The following SRA1 variants were observed in gnomAD, a reference collection of about 807,000 sequenced individuals.
SRA1 encodes lncRNA SRA.
SRA1 carries 25 observed loss-of-function variants against 24.3 expected under a neutral mutation model. The observed-to-expected ratio is 1.03, with a 90% CI of 0.75 to 1.43. The LOEUF is 1.43. SRA1 is among the 40% of genes most tolerant of loss of function. The pLI, the probability that SRA1 is intolerant of heterozygous loss-of-function variation, is 0.00. For synonymous variants in SRA1, 104 were observed against 109.5 expected, an observed-to-expected ratio of 0.95 and a Z score of 0.31; for missense variants, 303 against 286.6, an observed-to-expected ratio of 1.06 and a Z score of -0.41.
rs755919704 is a variant in SRA1, at chr5:140,552,149, T to C, written c.187A>G (p.Met63Val). The change falls in exon 3 of 5, where the codon ATG becomes GTG. Residue 63 changes from methionine (M) to valine (V), a missense_variant. Coordinates refer to ENST00000336283, the MANE Select transcript of SRA1 (RefSeq NM_001035235.4). ...ASETSPGPPP[M>V]GPPPPSSKAP... ...TTACTTGAAGGAGGTGGAGGCCCCA[T>C]TGGGGGAGGCCCAGGAGAAGTCTCT... The C allele has an allele frequency of 1.4e-5, 22 of 1,609,218 alleles. No individual in the cohort carries two copies. The highest frequency in any genetic ancestry group is 1.2e-4 in the South Asian group (11 of 90,344).
rs754090733 is a variant in SRA1, at chr5:140,551,142, G to A, written c.382C>T (p.Arg128Cys). The A allele has an allele frequency of 1.5e-5, 25 of 1,613,962 alleles. No individual in the cohort carries two copies. Among genetic ancestry groups the A allele is most frequent in the South Asian group, 3.3e-5 (3 of 91,066 alleles). The change falls in exon 4 of 5, where the codon CGC becomes TGC. Residue 128 changes from arginine to cysteine, a missense_variant. Coordinates refer to ENST00000336283, the MANE Select transcript of SRA1 (RefSeq NM_001035235.4). ...RKQVCDDISR[R>C]LALLQEQWAG... ...CACTGTTCCTGCAGCAGTGCCAGGC[G>A]TCGGCTGATGTCATCACATACCTGC...
intron 2 of SRA1, among the ~76,000 whole-genome samples, chr5:140,556,257 A>G (rs1180454972): frequency 6.6e-6 from 1 of 152,150 alleles, no homozygotes; most frequent in Non-Finnish European, 1.5e-5. Context: ...AGGGCCACTG[A>G]AAGAACCAAA....
chr5:140,556,414 C>T (rs1230610184), intron 2 of SRA1, among the ~76,000 whole-genome samples: 2 of 152,182 alleles, frequency 1.3e-5, no homozygotes, highest in Admixed American at 1.3e-4. Context: ...TCCTGCTTTA[C>T]AAAGCCCACT....
In SRA1 at chr5:140,550,659, G is replaced by A. The variant is rs763798828; in HGVS notation, c.*41C>T. The A allele has an allele frequency of 2.5e-6, 4 of 1,579,526 alleles. No homozygotes were observed. The African/African-American group carries it at 5.4e-5, about 21-fold the overall frequency. ...GAGCCAAGTGACAGAAGGTCTCCAA[G>A]GCATAGGAGATGGTGTCCGGTGAGT... On this transcript the variant is annotated 3_prime_UTR_variant, in exon 5 of 5. Coordinates refer to ENST00000336283, the MANE Select transcript of SRA1 (RefSeq NM_001035235.4).
At chr5:140,557,489 TTCC>T (rs1487048798), upstream of SRA1, 1 of 1,545,462 alleles carries the variant, frequency 6.5e-7, no homozygotes, top group East Asian at 2.4e-5. Context: ...AGCGCGTCAT[TTCC>T]GGGGCGGCCC....
rs1486468279 is a variant in SRA1 at position 140,557,458 on chromosome 5, C to T, written c.-6G>A. The T allele has an allele frequency of 3.9e-6, 6 of 1,557,890 alleles. No homozygotes were observed. In the South Asian group the frequency reaches 5.8e-5, roughly 15 times the overall value. ...TTCACGTACAGCTCCGCCATCTCCA[C>T]TTCCGCTTGGCCAGCGGGGCAGCGC... On this transcript the variant is annotated 5_prime_UTR_variant, in exon 1 of 5. It adds an upstream start codon to the 5' untranslated region. Transcript: ENST00000336283.
rs60236323 is a variant in SRA1 at position 140,552,191 on chromosome 5, AGG to A, written c.152-9_152-8del. ...GAAGTCTCTGATGCGGGGACTGAAA[AGG>A]TACAGCAGGATCAAGCAACATGGCT... On this transcript the variant is annotated splice_region_variant and splice_polypyrimidine_tract_variant and intron_variant, in intron 2 of 4. Transcript: ENST00000336283. The A allele has an allele frequency of 0.45, 702,997 of 1,561,778 alleles. 162,164 individuals carry two copies. The highest frequency in any genetic ancestry group is 0.53 in the East Asian group (22,793 of 42,752).
intron 3 of SRA1, 181 bp from the exon 4 acceptor site, chr5:140,551,350 C>T: frequency 1.8e-6 from 1 of 568,556 alleles, no homozygotes; most frequent in South Asian, 2.3e-5. Context: ...TCCCTGCTGT[C>T]TTCTTCTGAC....
At position 140,557,433 on chromosome 5, in the gene SRA1, T is replaced by C; in HGVS notation, c.20A>G (p.Lys7Arg). Reference sequence around the variant, plus strand: ...AGCCCGCCGGCTGCGCTCACCCGGCTTCACGTACAGCTCCGCCATCTCCAC... The same window carrying C: ...AGCCCGCCGGCTGCGCTCACCCGGCCTCACGTACAGCTCCGCCATCTCCAC... MAELYV[K>R]PGNKERGWND... The change falls in exon 1 of 5, where the codon AAG becomes AGG. Residue 7 changes from lysine to arginine, a missense_variant. Lys to Arg is a conservative substitution (Grantham distance 26). Coordinates refer to ENST00000336283, the MANE Select transcript of SRA1 (RefSeq NM_001035235.4). 1.9e-6 allele frequency: 3 copies of C among 1,569,562 alleles called. No homozygotes were observed. Among genetic ancestry groups the C allele is most frequent in the Non-Finnish European group, 2.6e-6 (3 of 1,159,090 alleles).
chr5:140,550,987 T>C (rs1754539904), intron 4 of SRA1, 74 bp downstream of exon 4: 2 of 1,579,692 alleles, frequency 1.3e-6, no homozygotes, highest in Non-Finnish European at 1.7e-6. Context: ...TCAATCAAAA[T>C]CTCAGCACCT....
In SRA1 at chr5:140,550,279, T is replaced by A. The variant is rs1379329475; in HGVS notation, c.*421A>T. 4.4e-6 allele frequency: 1 copy of A among 225,756 alleles called. No individual in the cohort carries two copies. The highest frequency in any genetic ancestry group is 1.1e-4 in the East Asian group (1 of 9,162). The allele number at this position is 225,756 out of a possible 1,614,324, so 14.0% of individuals were successfully genotyped here. On this transcript the variant is annotated 3_prime_UTR_variant, in exon 5 of 5. Transcript: ENST00000336283. ...GTTCTATTTGAGTCTGTTCTCATGC[T>A]GAAATGAAACCATCCAAACACAGCT...
chr5:140,557,979 G>A (rs73267681), upstream of SRA1: 706 of 176,254 alleles, frequency 4.0e-3, 3 homozygotes, highest in African/African-American at 0.016. Flanking sequence ...TTTCGTAGGT[G>A]TATTACATCA....
intron 1 of SRA1, 30 bp from the exon 2 acceptor site, chr5:140,557,302 C>T: frequency 1.2e-6 from 2 of 1,607,848 alleles, no homozygotes; most frequent in South Asian, 1.1e-5. Context: ...GTGAAGCGAG[C>T]CCGGAACTCC....
At chr5:140,552,927 G>GA (rs550891686) in intron 2 of SRA1, among the ~76,000 whole-genome samples, 49 of 152,198 alleles carry the variant, frequency 3.2e-4, no homozygotes, top group East Asian at 1.3e-3. Context: ...TAGAGGCAGG[G>GA]AAAAAAACAC....
intron 2 of SRA1, among the ~76,000 whole-genome samples, chr5:140,556,872 T>C (rs1232438743): frequency 1.3e-5 from 2 of 151,878 alleles, no homozygotes; most frequent in African/African-American, 4.8e-5. Flanking sequence ...CAAAGAAAAA[T>C]AACTTCAGGA....
At position 140,550,744 on chromosome 5, in the gene SRA1, C is replaced by T; in HGVS notation, c.631G>A (p.Ala211Thr). 1.2e-6 allele frequency: 2 copies of T among 1,614,186 alleles called. No homozygotes were observed. The highest frequency in any genetic ancestry group is 2.2e-5 in the South Asian group (2 of 91,082). ...AANEEKSAAT[A>T]EKNHTIPGFQ... ...CCTGGTATGGTATGGTTCTTCTCAG[C>T]TGTGGCTGCAGATTTCTCTTCATTG... Residue 211 changes from alanine to threonine, a missense_variant, in exon 5 of 5, where the codon GCT becomes ACT. Ala to Thr is a moderately conservative substitution (Grantham distance 58, BLOSUM62 0). Transcript: ENST00000336283.
chr5:140,554,894 C>T (rs1754650667), intron 2 of SRA1, among the ~76,000 whole-genome samples: 1 of 146,546 alleles, frequency 6.8e-6, no homozygotes, highest in African/African-American at 2.5e-5. Context: ...CCTTGTCGCT[C>T]TTTTTTTTTT....
chr5:140,550,224 CT>C lies in SRA1; in HGVS notation c.*475del, dbSNP rs1754503042. The C allele has an allele frequency of 5.3e-6, 1 of 189,694 alleles. No individual in the cohort carries two copies. The highest frequency in any genetic ancestry group is 5.4e-5 in the Admixed American group (1 of 18,568). The allele number at this position is 189,694 out of a possible 1,614,324, so 11.8% of individuals were successfully genotyped here. ...GGTGATACAGTGCAAATAGGACTGT[CT>C]TTCCTTTTGTTGAGGGAAAAGTCTC... On this transcript the variant is annotated 3_prime_UTR_variant, in exon 5 of 5. Coordinates refer to ENST00000336283, the MANE Select transcript of SRA1 (RefSeq NM_001035235.4).
At chr5:140,555,051 G>A (rs977445025) in intron 2 of SRA1, among the ~76,000 whole-genome samples, 5 of 151,726 alleles carry the variant, frequency 3.3e-5, no homozygotes, top group Non-Finnish European at 7.4e-5. Context: ...GCTATTTTTT[G>A]TATTTTTAGT....
Sources: allele counts gnomAD v4.1 joint callset (sites outside exome capture counted in the v4.1 genomes callset), GRCh38; gene constraint gnomAD v4.1.1; transcripts MANE v1.5; gene names NCBI Gene and HGNC (gene_info 2026-07-23, HGNC 2026-07-21).